Variants in RPRD1A observed in about 807,000 individuals in gnomAD.
The protein encoded by RPRD1A is regulation of nuclear pre-mRNA domain-containing protein 1A.
RPRD1A carries 9 observed loss-of-function variants against 37.8 expected under a neutral mutation model. That is an observed-to-expected ratio of 0.24 (90% CI 0.14 to 0.42). The LOEUF is 0.42. RPRD1A is among the 10% of genes least tolerant of loss of function. The pLI, the probability that RPRD1A is intolerant of heterozygous loss-of-function variation, is 1.00. For synonymous variants in RPRD1A, 138 were observed against 139.7 expected (o/e 0.99, Z 0.08); for missense variants, 255 against 371.0 (o/e 0.69, Z 2.57).
chr18:36,013,920 C>A (rs1416587902), intron 6 of RPRD1A, among the ~76,000 whole-genome samples: 5 of 151,878 alleles, frequency 3.3e-5, no homozygotes, highest in African/African-American at 1.2e-4. Context: ...CCATAAAAAA[C>A]CATAAGGAAG....
intron 6 of RPRD1A, among the ~76,000 whole-genome samples, chr18:36,002,257 A>G (rs1909469005): frequency 6.6e-6 from 1 of 152,038 alleles, no homozygotes; most frequent in Admixed American, 6.6e-5. Flanking sequence ...ACCTTTCCAA[A>G]TGGTACCAAA....
intron 6 of RPRD1A, among the ~76,000 whole-genome samples, chr18:36,007,075 CTG>C (rs1293236899): frequency 2.0e-5 from 3 of 152,100 alleles, no homozygotes; most frequent in Non-Finnish European, 4.4e-5. Context: ...CCTTGCCACC[CTG>C]TGTTTTACTC....
rs747685598 is a variant in RPRD1A, at chr18:36,027,069, T to A, written c.620A>T (p.Glu207Val). 7.4e-6 allele frequency: 12 copies of A among 1,613,844 alleles called. No homozygotes were observed. Among genetic ancestry groups the A allele is most frequent in the Non-Finnish European group, 8.5e-6 (10 of 1,179,814 alleles). ...VSLLDKITDK[E>V]SGERLSKMVE... ...CATTTTGGAAAGCCTTTCTCCAGAT[T>A]CTTTATCTAAGAAAAGCACGGGATA... Residue 207 changes from glutamate to valine, a missense_variant, in exon 6 of 7, where the codon GAA becomes GTA. This residue lies in a region of RPRD1A where 211 missense variants were observed against 268.9 expected (regional missense o/e 0.78). Transcript: ENST00000399022.
Position 36,005,161 on chromosome 18 carries a change from C to T in RPRD1A, c.790-11861G>A, listed in dbSNP as rs751726422. Among the ~76,000 whole-genome samples, 5 of 151,962 alleles carry T rather than the reference C, an allele frequency of 3.3e-5. No homozygotes were observed. The South Asian group carries it at 6.2e-4, about 19-fold the overall frequency. On this transcript the variant is annotated intron_variant, in intron 6 of 6. Transcript: ENST00000399022. ...CTAAAAATACAAAAAATTCTCTGGG[C>T]GTGGTGGCGGGCGCCTGTAGTCCCA...
At chr18:36,062,967 T>G (rs1304341075) in intron 1 of RPRD1A, 1 of 152,158 alleles carries the variant, frequency 6.6e-6, no homozygotes, top group Non-Finnish European at 1.5e-5. Flanking sequence ...AGTAACAAAA[T>G]GGTCACTTAC....
chr18:36,027,113 A>G, intron 5 of RPRD1A, 38 bp from the exon 6 acceptor site: 1 of 1,612,154 alleles, frequency 6.2e-7, no homozygotes, highest in Non-Finnish European at 8.5e-7. Context: ...TTATACAACA[A>G]AAACAATGAC....
intron 4 of RPRD1A, among the ~76,000 whole-genome samples, chr18:36,029,539 C>T (rs764485835): frequency 3.3e-5 from 5 of 149,450 alleles, no homozygotes; most frequent in Non-Finnish European, 5.9e-5. Flanking sequence ...ATGGTTATGT[C>T]TTCATTTTCT....
At chr18:35,999,892 C>G (rs1197438410) in intron 6 of RPRD1A, among the ~76,000 whole-genome samples, 2 of 152,190 alleles carry the variant, frequency 1.3e-5, no homozygotes, top group Non-Finnish European at 2.9e-5. Context: ...ATTTCTTAAG[C>G]CACTGCCTTC....
intron 4 of RPRD1A, among the ~76,000 whole-genome samples, chr18:36,029,067 T>C (rs1002016926): frequency 1.3e-5 from 2 of 152,180 alleles, no homozygotes; most frequent in African/African-American, 4.8e-5. Flanking sequence ...TAAATCTTAG[T>C]GTTTGGTTGT....
At chr18:36,005,681 T>A (rs1909701727) in intron 6 of RPRD1A, among the ~76,000 whole-genome samples, 1 of 152,190 alleles carries the variant, frequency 6.6e-6, no homozygotes, top group East Asian at 1.9e-4. Flanking sequence ...AAATGAAAAA[T>A]GGCCTTGATA....
At chr18:36,032,812 A>C (rs1911892719) in intron 2 of RPRD1A, among the ~76,000 whole-genome samples, 1 of 152,174 alleles carries the variant, frequency 6.6e-6, no homozygotes, top group African/African-American at 2.4e-5. Flanking sequence ...GTGGGAAGCA[A>C]GGACATAATG....
At chr18:36,004,651 A>C (rs1415967632) in intron 6 of RPRD1A, among the ~76,000 whole-genome samples, 1 of 152,184 alleles carries the variant, frequency 6.6e-6, no homozygotes, top group Non-Finnish European at 1.5e-5. Context: ...CATGTAGATA[A>C]ACAGACCTTA....
intron 6 of RPRD1A, among the ~76,000 whole-genome samples, chr18:36,020,319 G>C (rs1330600376): frequency 6.6e-6 from 1 of 152,046 alleles, no homozygotes; most frequent in Non-Finnish European, 1.5e-5. Flanking sequence ...GCGCATCTAG[G>C]GACCCAAATC....
chr18:36,049,856 C>T (rs915774039), intron 1 of RPRD1A, among the ~76,000 whole-genome samples: 5 of 152,214 alleles, frequency 3.3e-5, no homozygotes, highest in Admixed American at 2.0e-4. Flanking sequence ...TACTGAATCA[C>T]GGTAATAGTA....
rs1483677662 is a variant in RPRD1A at position 36,025,383 on chromosome 18, T to C, written c.789+1517A>G. Reference sequence around the variant, plus strand: ...TATTATTATCATCAGCCTCATAATCTATGACTGTCAACTATGAAATGTGGC... The same window carrying C: ...TATTATTATCATCAGCCTCATAATCCATGACTGTCAACTATGAAATGTGGC... On this transcript the variant is annotated intron_variant, in intron 6 of 6. Transcript: ENST00000399022. The C allele has an allele frequency of 2.1e-5, 7 of 326,058 alleles. No individual in the cohort carries two copies. In the East Asian group the frequency reaches 3.9e-4, roughly 18 times the overall value. The allele number at this position is 326,058 out of a possible 1,614,324, so 20.2% of individuals were successfully genotyped here.
intron 1 of RPRD1A, chr18:36,053,044 T>TAA (rs1441504960): frequency 6.6e-6 from 1 of 152,102 alleles, no homozygotes; most frequent in East Asian, 1.9e-4. Context: ...GGAGAGACTA[T>TAA]AAAAACCTGC....
At chr18:36,058,176 G>A (rs1913925251) in intron 1 of RPRD1A, among the ~76,000 whole-genome samples, 1 of 152,092 alleles carries the variant, frequency 6.6e-6, no homozygotes, top group Non-Finnish European at 1.5e-5. Context: ...CTGGGTAGCT[G>A]GGACTACAGT....
At chr18:36,004,841 T>G (rs996098279) in intron 6 of RPRD1A, among the ~76,000 whole-genome samples, 2 of 152,050 alleles carry the variant, frequency 1.3e-5, no homozygotes, top group Non-Finnish European at 2.9e-5. Flanking sequence ...AGGCAGAGGT[T>G]GCAGTGAGCC....
At chr18:36,041,537 C>T (rs889789732) in intron 1 of RPRD1A, among the ~76,000 whole-genome samples, 3 of 152,098 alleles carry the variant, frequency 2.0e-5, no homozygotes, top group Non-Finnish European at 4.4e-5. Context: ...TGTAGTGCAA[C>T]AAACAAATTA....
Sources: allele counts gnomAD v4.1 joint callset (sites outside exome capture counted in the v4.1 genomes callset), GRCh38; gene constraint gnomAD v4.1.1; regional missense constraint gnomAD v4.1.1; transcripts MANE v1.5; gene names NCBI Gene and HGNC (gene_info 2026-07-23, HGNC 2026-07-21).